Variants in NUBPL observed in about 807,000 individuals in gnomAD.
The protein encoded by NUBPL is iron-sulfur cluster transfer protein NUBPL.
In NUBPL, 31 loss-of-function variants were observed where a neutral mutation model predicts 45.7. The ratio of observed to expected loss-of-function variants is 0.68; its 90% confidence interval spans 0.51 to 0.92. The LOEUF (loss-of-function observed/expected upper bound fraction) is 0.92. Ranked by LOEUF, NUBPL falls within the 40% of genes least tolerant of loss-of-function variation. NUBPL has a pLI of 0.00. For synonymous variants in NUBPL, 144 were observed against 140.9 expected, an observed-to-expected ratio of 1.02 and a Z score of -0.15; for missense variants, 401 against 398.7, an observed-to-expected ratio of 1.01 and a Z score of -0.05.
intron 7 of NUBPL, among the ~76,000 whole-genome samples, chr14:31,790,062 T>C (rs1177175990): frequency 1.3e-5 from 2 of 152,198 alleles, no homozygotes; most frequent in African/African-American, 4.8e-5. Context: ...CTTGCATTAT[T>C]CATATAGATA....
intron 4 of NUBPL, among the ~76,000 whole-genome samples, chr14:31,670,400 T>C (rs963276319): frequency 4.6e-5 from 7 of 152,176 alleles, no homozygotes; most frequent in Admixed American, 1.3e-4. Flanking sequence ...GGTTTACACA[T>C]ATTTTCTACC....
At chr14:31,858,957 CG>C (rs1376588679) in intron 10 of NUBPL, among the ~76,000 whole-genome samples, 160 bp from the exon 11 acceptor site, 4 of 152,142 alleles carry the variant, frequency 2.6e-5, no homozygotes, top group Non-Finnish European at 4.4e-5. Flanking sequence ...TTCCTTGTGC[CG>C]CCTGCAATAT....
intron 6 of NUBPL, among the ~76,000 whole-genome samples, chr14:31,725,613 G>A (rs2037903514): frequency 6.6e-6 from 1 of 151,536 alleles, no homozygotes; most frequent in Non-Finnish European, 1.5e-5. Context: ...TGCATTGACT[G>A]CACCCCATCA....
At chr14:31,832,455 C>T (rs997489159) in intron 8 of NUBPL, among the ~76,000 whole-genome samples, 4 of 152,098 alleles carry the variant, frequency 2.6e-5, no homozygotes, top group Non-Finnish European at 5.9e-5. Flanking sequence ...CTTTGTAGCT[C>T]AGGTAGACAA....
At chr14:31,573,275 A>C (rs900682534) in intron 3 of NUBPL, among the ~76,000 whole-genome samples, 1 of 152,154 alleles carries the variant, frequency 6.6e-6, no homozygotes, top group African/African-American at 2.4e-5. Context: ...GTTATGGGGC[A>C]TATGTCTGTA....
intron 6 of NUBPL, among the ~76,000 whole-genome samples, chr14:31,702,797 C>T (rs1215388803): frequency 6.6e-6 from 1 of 152,178 alleles, no homozygotes; most frequent in East Asian, 1.9e-4. Context: ...AAATATTAGC[C>T]TCTCTGGTCA....
chr14:31,634,315 A>G (rs954912209), intron 4 of NUBPL, among the ~76,000 whole-genome samples: 15 of 134,348 alleles, frequency 1.1e-4, no homozygotes, highest in Admixed American at 8.7e-5. Context: ...TTCAATTCCC[A>G]CCTATGAGTG....
intron 3 of NUBPL, among the ~76,000 whole-genome samples, chr14:31,596,858 G>A (rs2034297415): frequency 6.6e-6 from 1 of 152,148 alleles, no homozygotes; most frequent in Admixed American, 6.5e-5. Flanking sequence ...GTGAAAAAAT[G>A]TAAATAAAAT....
chr14:31,775,366 C>T (rs912242401), intron 6 of NUBPL, among the ~76,000 whole-genome samples: 5 of 151,948 alleles, frequency 3.3e-5, no homozygotes, highest in Non-Finnish European at 5.9e-5. Flanking sequence ...TGCAGTGAGC[C>T]GAGATCATGC....
At chr14:31,831,549 G>A (rs927338472) in intron 8 of NUBPL, among the ~76,000 whole-genome samples, 1 of 147,382 alleles carries the variant, frequency 6.8e-6, no homozygotes, top group African/African-American at 2.5e-5. Flanking sequence ...ATGACCACCT[G>A]TCTCTCTCGC....
intron 4 of NUBPL, among the ~76,000 whole-genome samples, chr14:31,644,656 C>T (rs1487753971): frequency 3.9e-5 from 6 of 151,988 alleles, no homozygotes; most frequent in Non-Finnish European, 2.9e-5. Flanking sequence ...CTGTAAATGT[C>T]AGTTAAGTGT....
At chr14:31,640,965 G>A (rs61470113) in intron 4 of NUBPL, among the ~76,000 whole-genome samples, 1 of 64,836 alleles carries the variant, frequency 1.5e-5, no homozygotes, top group Non-Finnish European at 5.4e-5. Flanking sequence ...TTTTCTTTTT[G>A]TTTTTGAGAC....
intron 6 of NUBPL, among the ~76,000 whole-genome samples, chr14:31,769,864 C>T (rs892545983): frequency 5.3e-5 from 8 of 151,784 alleles, no homozygotes; most frequent in African/African-American, 1.5e-4. Context: ...ACTAGGGTCC[C>T]GAGAGGTTAA....
At chr14:31,666,263 A>ATTTATTTTTT in intron 4 of NUBPL, among the ~76,000 whole-genome samples, 1 of 111,886 alleles carries the variant, frequency 8.9e-6, no homozygotes, top group African/African-American at 3.1e-5. Context: ...ATATATATAT[A>ATTTATTTTTT]ATTTTATTTT....
intron 3 of NUBPL, among the ~76,000 whole-genome samples, chr14:31,590,585 T>C (rs1287023248): frequency 3.3e-5 from 5 of 152,238 alleles, no homozygotes; most frequent in Non-Finnish European, 7.3e-5. Flanking sequence ...CTTCCCTTCA[T>C]TGCAGTTTAG....
chr14:31,788,594 A>T (rs772882007), intron 7 of NUBPL, among the ~76,000 whole-genome samples: 14 of 152,166 alleles, frequency 9.2e-5, no homozygotes, highest in Admixed American at 3.9e-4. Context: ...ATCTGTACTT[A>T]CTGTGCCTGT....
intron 8 of NUBPL, among the ~76,000 whole-genome samples, chr14:31,836,541 C>A (rs952162006): frequency 6.6e-6 from 1 of 152,108 alleles, no homozygotes; most frequent in African/African-American, 2.4e-5. Context: ...GACTTGAATT[C>A]TTTCCTATTT....
At chr14:31,674,374 G>C (rs539797519) in intron 6 of NUBPL, among the ~76,000 whole-genome samples, 1 of 152,220 alleles carries the variant, frequency 6.6e-6, no homozygotes, top group South Asian at 2.1e-4. Context: ...AATCTGTCTT[G>C]AACTCTGAAA....
At chr14:31,616,214 A>G (rs906184566) in intron 4 of NUBPL, among the ~76,000 whole-genome samples, 7 of 151,922 alleles carry the variant, frequency 4.6e-5, no homozygotes, top group African/African-American at 1.7e-4. Flanking sequence ...GATTGCAAAA[A>G]TTTTCTCCCA....
Sources: allele counts gnomAD v4.1 joint callset (sites outside exome capture counted in the v4.1 genomes callset), GRCh38; gene constraint gnomAD v4.1.1; transcripts MANE v1.5; gene names NCBI Gene and HGNC (gene_info 2026-07-23, HGNC 2026-07-21).